Variants in NELL1 observed in about 807,000 individuals in gnomAD.
The protein encoded by NELL1 is protein kinase C-binding protein NELL1.
NELL1 carries 76 observed loss-of-function variants against 107.4 expected under a neutral mutation model. The ratio of observed to expected loss-of-function variants is 0.71; its 90% CI spans 0.59 to 0.86. The LOEUF is 0.86. Ranked by LOEUF, NELL1 falls within the 40% of genes least tolerant of loss-of-function variation. NELL1 has a pLI of 0.00. For missense variants in NELL1, 1,024 were observed against 1,005.5 expected, an observed-to-expected ratio of 1.02 and a Z score of -0.25; for synonymous variants, 353 against 341.2, an observed-to-expected ratio of 1.03 and a Z score of -0.38.
At chr11:21,242,101 C>T (rs1276768368) in intron 14 of NELL1, among the ~76,000 whole-genome samples, 7 of 151,104 alleles carry the variant, frequency 4.6e-5, no homozygotes, top group East Asian at 3.9e-4. Flanking sequence ...AAAATGTTTA[C>T]GGTAAAATGA....
At chr11:20,872,087 T>G (rs533554554) in intron 4 of NELL1, among the ~76,000 whole-genome samples, 1 of 148,642 alleles carries the variant, frequency 6.7e-6, no homozygotes, top group South Asian at 2.1e-4. Context: ...TGGAGCTATA[T>G]CCTGTGGCTG....
chr11:21,379,933 ATTTTAAGAAT>A (rs1351494828), intron 15 of NELL1, among the ~76,000 whole-genome samples: 1 of 151,958 alleles, frequency 6.6e-6, no homozygotes, highest in East Asian at 1.9e-4. Flanking sequence ...ACTGGGGGAG[ATTTTAAGAAT>A]TTTTAAGAAG....
At chr11:21,224,372 G>T (rs908936619) in intron 13 of NELL1, among the ~76,000 whole-genome samples, 6 of 150,548 alleles carry the variant, frequency 4.0e-5, no homozygotes, top group South Asian at 2.1e-4. Flanking sequence ...TATGACCACA[G>T]TTGTATGCCA....
intron 15 of NELL1, among the ~76,000 whole-genome samples, chr11:21,414,475 T>G (rs1056590374): frequency 1.3e-5 from 2 of 152,074 alleles, no homozygotes; most frequent in African/African-American, 4.8e-5. Context: ...AGTCTCTTCA[T>G]TGACTTGTGG....
At chr11:21,272,740 T>A (rs1848767006) in intron 14 of NELL1, among the ~76,000 whole-genome samples, 2 of 152,182 alleles carry the variant, frequency 1.3e-5, no homozygotes, top group African/African-American at 4.8e-5. Flanking sequence ...ACATCTGCTG[T>A]TCACCAATAT....
chr11:21,310,364 T>G (rs1010666044), intron 14 of NELL1, among the ~76,000 whole-genome samples: 10 of 152,094 alleles, frequency 6.6e-5, no homozygotes, highest in African/African-American at 2.2e-4. Context: ...AGGAGTAATA[T>G]AAATTTCACT....
At chr11:20,926,658 T>C (rs190434927) in intron 7 of NELL1, among the ~76,000 whole-genome samples, 23 of 152,298 alleles carry the variant, frequency 1.5e-4, no homozygotes, top group African/African-American at 5.3e-4. Context: ...TTATTGGCAA[T>C]GACTGGGTGG....
At chr11:20,708,050 C>G (rs549720107) in intron 2 of NELL1, among the ~76,000 whole-genome samples, 1 of 152,224 alleles carries the variant, frequency 6.6e-6, no homozygotes, top group Non-Finnish European at 1.5e-5. Context: ...CAATGGTGAG[C>G]GCCCCTCTCC....
intron 2 of NELL1, among the ~76,000 whole-genome samples, chr11:20,746,772 A>G (rs77899811): frequency 0.035 from 5,256 of 152,160 alleles, 299 homozygotes; most frequent in African/African-American, 0.12. Flanking sequence ...ATTTCTCTGT[A>G]GTGGTTTTGG....
intron 5 of NELL1, among the ~76,000 whole-genome samples, chr11:20,898,856 G>A (rs933921085): frequency 1.3e-5 from 2 of 151,614 alleles, no homozygotes; most frequent in African/African-American, 2.4e-5. Context: ...ATAAAACTAG[G>A]GAAGTCTCCT....
chr11:20,726,651 G>C (rs1855515322), intron 2 of NELL1, among the ~76,000 whole-genome samples: 1 of 151,948 alleles, frequency 6.6e-6, no homozygotes, highest in Non-Finnish European at 1.5e-5. Flanking sequence ...CAATGTGCAG[G>C]TTTGTTACAT....
chr11:21,405,087 T>A (rs892327538), intron 15 of NELL1, among the ~76,000 whole-genome samples: 1 of 152,032 alleles, frequency 6.6e-6, no homozygotes, highest in South Asian at 2.1e-4. Flanking sequence ...AGCTTTATGA[T>A]CTCTAAGGGC....
chr11:21,388,691 T>G (rs1485486824), intron 15 of NELL1, among the ~76,000 whole-genome samples: 1 of 151,884 alleles, frequency 6.6e-6, no homozygotes, highest in Non-Finnish European at 1.5e-5. Context: ...GAAAGCAACA[T>G]GAGCTTCTCA....
intron 15 of NELL1, among the ~76,000 whole-genome samples, chr11:21,400,822 G>C (rs779022493): frequency 1.3e-5 from 2 of 151,900 alleles, no homozygotes; most frequent in African/African-American, 2.4e-5. Context: ...CTGCTTCATA[G>C]TTAGTGATCC....
chr11:20,778,866 G>A (rs1489553527), intron 2 of NELL1, among the ~76,000 whole-genome samples: 1 of 152,196 alleles, frequency 6.6e-6, no homozygotes, highest in African/African-American at 2.4e-5. Flanking sequence ...AAGAGATGGA[G>A]TAGGTTAACA....
intron 2 of NELL1, among the ~76,000 whole-genome samples, chr11:20,714,690 T>C (rs923100762): frequency 2.0e-5 from 3 of 151,904 alleles, no homozygotes; most frequent in African/African-American, 7.2e-5. Flanking sequence ...ACCTGGCTAA[T>C]GAGAAAAAGA....
intron 3 of NELL1, among the ~76,000 whole-genome samples, chr11:20,828,097 C>T (rs926632584): frequency 3.3e-5 from 5 of 151,148 alleles, no homozygotes; most frequent in African/African-American, 1.2e-4. Flanking sequence ...TTGGATCTAC[C>T]ACTTACTGGT....
At chr11:20,763,449 G>A (rs1359846815) in intron 2 of NELL1, among the ~76,000 whole-genome samples, 1 of 152,154 alleles carries the variant, frequency 6.6e-6, no homozygotes, top group African/African-American at 2.4e-5. Context: ...TTATGAAGGA[G>A]ACACCAAGAT....
intron 15 of NELL1, among the ~76,000 whole-genome samples, chr11:21,469,316 T>C (rs754560725): frequency 2.0e-5 from 3 of 152,020 alleles, no homozygotes; most frequent in Non-Finnish European, 2.9e-5. Context: ...GTGGATTTTG[T>C]ATGAGCCCTA....
Sources: gnomAD v4.1 joint callset for allele counts (sites outside exome capture counted in the v4.1 genomes callset) on GRCh38, gnomAD v4.1.1 for gene constraint, MANE v1.5 for transcripts, NCBI Gene and HGNC (gene_info 2026-07-23, HGNC 2026-07-21) for gene names.